SHISA9: variants seen among roughly 807,000 people sequenced by gnomAD.
SHISA9 encodes the protein shisa family member 9.
Under a neutral mutation model 38.0 loss-of-function variants are expected in SHISA9, and 13 were observed. The ratio of observed to expected loss-of-function variants is 0.34; its 90% CI spans 0.22 to 0.54. The LOEUF (loss-of-function observed/expected upper bound fraction) is 0.54, where lower values mean the gene tolerates loss of function less well. Ranked by LOEUF, SHISA9 falls within the 20% of genes least tolerant of loss-of-function variation. SHISA9 has a pLI of 0.91. For missense variants in SHISA9, 538 were observed against 575.8 expected, an observed-to-expected ratio of 0.93 and a Z score of 0.67; for synonymous variants, 275 against 242.0, an observed-to-expected ratio of 1.14 and a Z score of -1.27.
the SHISA9 span, among the ~76,000 whole-genome samples, chr16:13,320,065 G>A: frequency 6.6e-6 from 1 of 151,780 alleles, no homozygotes; most frequent in Non-Finnish European, 1.5e-5. Flanking sequence ...GGCTGAAGCG[G>A]GCAGATCACG....
At chr16:13,283,293 G>T in the SHISA9 span, among the ~76,000 whole-genome samples, 9 of 152,086 alleles carry the variant, frequency 5.9e-5, no homozygotes, top group African/African-American at 2.2e-4. Context: ...CTCCCCTGCA[G>T]ATCTTATTTG....
chr16:13,022,985 G>A (rs2072875902), intron 2 of SHISA9, among the ~76,000 whole-genome samples: 1 of 151,812 alleles, frequency 6.6e-6, no homozygotes, highest in African/African-American at 2.4e-5. Flanking sequence ...GATCACATCT[G>A]CAAAGACCCG....
At chr16:13,054,501 C>T (rs901151657) in intron 2 of SHISA9, among the ~76,000 whole-genome samples, 1 of 152,216 alleles carries the variant, frequency 6.6e-6, no homozygotes, top group Non-Finnish European at 1.5e-5. Context: ...ACATACATGT[C>T]CATGGAAATT....
At chr16:13,254,869 G>A in the SHISA9 span, among the ~76,000 whole-genome samples, 2 of 152,200 alleles carry the variant, frequency 1.3e-5, no homozygotes, top group East Asian at 1.9e-4. Context: ...CAGAGGCGAC[G>A]TGGTCTTGTA....
At chr16:13,435,482 G>A in the SHISA9 span, among the ~76,000 whole-genome samples, 21 of 152,312 alleles carry the variant, frequency 1.4e-4, no homozygotes, top group South Asian at 2.9e-3. Flanking sequence ...TTCCAGTGGG[G>A]GTTTTTGTTT....
At chr16:13,149,754 G>A (rs1307754812) in intron 2 of SHISA9, among the ~76,000 whole-genome samples, 10 of 151,398 alleles carry the variant, frequency 6.6e-5, no homozygotes, top group South Asian at 2.1e-4. Context: ...GTGATACCCC[G>A]TCTCTACTAA....
the SHISA9 span, among the ~76,000 whole-genome samples, chr16:13,290,024 C>G: frequency 8.7e-4 from 133 of 152,180 alleles, no homozygotes; most frequent in African/African-American, 3.1e-3. Flanking sequence ...TGCATTTATT[C>G]AACAAATATT....
intron 4 of SHISA9, among the ~76,000 whole-genome samples, chr16:13,234,211 T>A (rs563674523): frequency 2.0e-5 from 3 of 152,240 alleles, no homozygotes; most frequent in East Asian, 1.9e-4. Flanking sequence ...TAGGTACACA[T>A]GAAAATCCTG....
At chr16:13,264,916 T>C in the SHISA9 span, among the ~76,000 whole-genome samples, 13 of 151,212 alleles carry the variant, frequency 8.6e-5, no homozygotes, top group African/African-American at 2.7e-4. Context: ...CCCTCGCCTT[T>C]CTCCTCCCCT....
chr16:13,513,756 A>C, the SHISA9 span, among the ~76,000 whole-genome samples: 1 of 151,972 alleles, frequency 6.6e-6, no homozygotes, highest in African/African-American at 2.4e-5. Flanking sequence ...AAACACTGCA[A>C]GTTGTTGCTC....
chr16:12,992,744 C>T (rs926831550), intron 2 of SHISA9, among the ~76,000 whole-genome samples: 2 of 152,170 alleles, frequency 1.3e-5, no homozygotes, highest in African/African-American at 4.8e-5. Context: ...ATGTGTCACT[C>T]TGTCATTTTT....
At chr16:13,119,396 G>T (rs1443957620) in intron 2 of SHISA9, among the ~76,000 whole-genome samples, 1 of 152,120 alleles carries the variant, frequency 6.6e-6, no homozygotes, top group African/African-American at 2.4e-5. Flanking sequence ...ACTAGATTTT[G>T]ATTTTTGAGC....
At chr16:13,247,341 C>G in the SHISA9 span, among the ~76,000 whole-genome samples, 1 of 152,150 alleles carries the variant, frequency 6.6e-6, no homozygotes, top group African/African-American at 2.4e-5. Context: ...AATTAAACTT[C>G]TACTCTATGC....
chr16:13,424,075 A>G, the SHISA9 span, among the ~76,000 whole-genome samples: 2 of 152,336 alleles, frequency 1.3e-5, no homozygotes, highest in African/African-American at 4.8e-5. Flanking sequence ...GCCATATCCA[A>G]TCCCATTCAC....
chr16:13,087,803 T>G (rs944826826), intron 2 of SHISA9, among the ~76,000 whole-genome samples: 1 of 152,230 alleles, frequency 6.6e-6, no homozygotes, highest in Non-Finnish European at 1.5e-5. Context: ...GGTAGTTTCT[T>G]TTGCTGTGCA....
the SHISA9 span, among the ~76,000 whole-genome samples, chr16:13,504,994 C>T: frequency 6.6e-6 from 1 of 152,138 alleles, no homozygotes; most frequent in Non-Finnish European, 1.5e-5. Flanking sequence ...CTTTCAGCTC[C>T]CTCTTATCTG....
chr16:13,466,908 A>C, the SHISA9 span, among the ~76,000 whole-genome samples: 4 of 152,204 alleles, frequency 2.6e-5, no homozygotes, highest in Admixed American at 1.3e-4. Flanking sequence ...TGTAAATGTC[A>C]CTCAAGAACT....
At chr16:13,552,691 C>A in the SHISA9 span, among the ~76,000 whole-genome samples, 19 of 152,134 alleles carry the variant, frequency 1.2e-4, no homozygotes, top group African/African-American at 4.1e-4. Context: ...GGTGGTGGAG[C>A]CTGGGGTGCT....
At chr16:13,303,271 C>T in the SHISA9 span, among the ~76,000 whole-genome samples, 1 of 152,074 alleles carries the variant, frequency 6.6e-6, no homozygotes, top group African/African-American at 2.4e-5. Context: ...AATACATGTG[C>T]ATGTATGTTC....
Sources: allele counts gnomAD v4.1 joint callset (sites outside exome capture counted in the v4.1 genomes callset), GRCh38; gene constraint gnomAD v4.1.1; transcripts MANE v1.5; gene names NCBI Gene and HGNC (gene_info 2026-07-23, HGNC 2026-07-21).